The following NCOR2 variants were observed in gnomAD, a reference collection of about 807,000 sequenced individuals.
The protein encoded by NCOR2 is CTG repeat protein 26.
Under a neutral mutation model 262.9 loss-of-function variants are expected in NCOR2, and 81 were observed. That is an observed-to-expected ratio of 0.31 (90% CI 0.26 to 0.37). The LOEUF (loss-of-function observed/expected upper bound fraction) is 0.37. Ranked by LOEUF, NCOR2 falls within the 10% of genes least tolerant of loss-of-function variation. The pLI, the probability that NCOR2 is intolerant of heterozygous loss-of-function variation, is 1.00. For missense variants in NCOR2, 3,385 were observed against 3,621.4 expected (o/e 0.93, Z 1.68); for synonymous variants, 1,659 against 1,559.3 (o/e 1.06, Z -1.51).
chr12:124,497,807 A>T (rs1206152319), upstream of NCOR2, among the ~76,000 whole-genome samples: 1 of 152,228 alleles, frequency 6.6e-6, no homozygotes, highest in East Asian at 1.9e-4. The surrounding 1 kb of genome is among the most constrained non-coding windows in gnomAD (Gnocchi z 4.2). Context: ...ATGCAGCTGC[A>T]GCCCAGTCAC....
intron 11 of NCOR2, among the ~76,000 whole-genome samples, chr12:124,424,016 G>GC (rs1217175654): frequency 5.3e-5 from 8 of 152,172 alleles, no homozygotes; most frequent in Non-Finnish European, 1.2e-4. Context: ...CTTGAGGCAT[G>GC]CAAGTGGCCA....
chr12:124,512,872 T>C (rs938549179), intron 1 of NCOR2, among the ~76,000 whole-genome samples: 1 of 151,930 alleles, frequency 6.6e-6, no homozygotes, highest in Non-Finnish European at 1.5e-5. Context: ...AGGGCCAAAC[T>C]GACAGTGAGT....
chr12:124,351,721 G>A (rs1315045538), intron 27 of NCOR2, among the ~76,000 whole-genome samples: 4 of 145,614 alleles, frequency 2.7e-5, no homozygotes, highest in African/African-American at 1.0e-4. Flanking sequence ...AGCTGCCGTG[G>A]GACCTCCTTT....
chr12:124,492,855 A>G (rs1565994071), intron 1 of NCOR2, among the ~76,000 whole-genome samples: 1 of 152,084 alleles, frequency 6.6e-6, no homozygotes, highest in Non-Finnish European at 1.5e-5. Flanking sequence ...CAGAGTGCCC[A>G]GAACTCTTCC....
chr12:124,373,665 ATGAGGCCAGTGCGTGCGCAGGGGCCC>A (rs1176465221), intron 19 of NCOR2, among the ~76,000 whole-genome samples: 10 of 123,378 alleles, frequency 8.1e-5, no homozygotes, highest in Admixed American at 4.8e-4. Flanking sequence ...GTGGACAATC[ATGAGGCCAGTGCGTGCGCAGGGGCCC>A]CGGGCACAGT....
chr12:124,520,686 G>A (rs2050135073), intron 1 of NCOR2, among the ~76,000 whole-genome samples: 1 of 152,196 alleles, frequency 6.6e-6, no homozygotes, highest in Non-Finnish European at 1.5e-5. Context: ...CCCCCAGACA[G>A]AGCCTGTGGC....
At chr12:124,437,488 T>C (rs1449463035) in intron 8 of NCOR2, among the ~76,000 whole-genome samples, 2 of 152,166 alleles carry the variant, frequency 1.3e-5, no homozygotes, top group African/African-American at 2.4e-5. Flanking sequence ...ACTGTCTCAG[T>C]TTCCCTGAGC....
At chr12:124,450,617 G>A (rs1436351179) in intron 6 of NCOR2, among the ~76,000 whole-genome samples, 1 of 152,196 alleles carries the variant, frequency 6.6e-6, no homozygotes, top group Admixed American at 6.5e-5. Flanking sequence ...ACACAGCAGT[G>A]AGAAAGGGAG....
chr12:124,346,970 C>T, intron 30 of NCOR2, 120 bp from the exon 33 acceptor site: 2 of 1,253,172 alleles, frequency 1.6e-6, no homozygotes, highest in African/African-American at 1.6e-5. Flanking sequence ...GCTGTGTGAC[C>T]TTGACCAGGA....
chr12:124,460,515 G>A (rs962746709), intron 5 of NCOR2, among the ~76,000 whole-genome samples: 6 of 152,356 alleles, frequency 3.9e-5, no homozygotes, highest in Admixed American at 6.5e-5. Context: ...CAGGGCCATG[G>A]GGGAAGCAGT....
chr12:124,429,415 C>T, intron 10 of NCOR2, 198 bp downstream of exon 12: 2 of 615,862 alleles, frequency 3.2e-6, no homozygotes, highest in Non-Finnish European at 5.8e-6. Context: ...CTCTCAGACA[C>T]ATTAACACCC....
intron 25 of NCOR2, 99 bp downstream of exon 27, chr12:124,354,738 G>A: frequency 1.5e-6 from 2 of 1,333,748 alleles, no homozygotes; most frequent in Non-Finnish European, 2.1e-6. Context: ...CTGCTACCTG[G>A]AGTACCGTGG....
chr12:124,414,066 GCCCT>G (rs1031949568), intron 13 of NCOR2, among the ~76,000 whole-genome samples: 8 of 152,328 alleles, frequency 5.3e-5, no homozygotes, highest in African/African-American at 1.7e-4. Context: ...TCTGCCGCCT[GCCCT>G]CGCAGGGCTC....
intron 2 of NCOR2, among the ~76,000 whole-genome samples, chr12:124,485,503 C>T (rs940313341): frequency 5.9e-5 from 9 of 152,250 alleles, no homozygotes; most frequent in Non-Finnish European, 1.2e-4. Context: ...CCTGCGGACG[C>T]CCTGACTTCA....
rs571844630 is a variant in NCOR2 at position 124,392,445 on chromosome 12, G to C, written c.1876+5674C>G. 7.9e-5 allele frequency among the ~76,000 whole-genome samples: 12 copies of C among 152,234 alleles called. No individual in the cohort carries two copies. The South Asian group carries it at 2.5e-3, about 32-fold the overall frequency. On this transcript the variant is annotated intron_variant, in intron 16 of 46. Coordinates refer to ENST00000405201, the Ensembl canonical transcript of NCOR2. The stretch of plus-strand genomic sequence containing the variant: ...ACACGTGGTGACAGTCTCCTTGGAC[G>C]CGAGCCCCGAGGCACCGCACCGTCC...
rs543245239 is a variant in NCOR2 at position 124,422,514 on chromosome 12, A to T, written c.1370T>A (p.Phe457Tyr). ...GCAGCGACTCACCTTCCTCTCCAGG[A>T]ATGATGCGATCAGGCCAAAGTTCTT... Residue 457 changes from phenylalanine to tyrosine, a missense_variant, in exon 12 of 47, where the codon TTC becomes TAC. This residue lies in a region of NCOR2 where 515 missense variants were observed against 781.2 expected (regional missense o/e 0.66). Transcript: ENST00000405201. 4 of 1,614,084 alleles carry T rather than the reference A, an allele frequency of 2.5e-6. No homozygotes were observed. The African/African-American group carries it at 4.0e-5, about 16-fold the overall frequency.
chr12:124,435,777 C>T (rs943739747), intron 8 of NCOR2, among the ~76,000 whole-genome samples: 3 of 152,196 alleles, frequency 2.0e-5, no homozygotes, highest in East Asian at 3.9e-4. Context: ...TGGACTCTCT[C>T]GGAACTGCCC....
Position 124,566,137 on chromosome 12 carries a change from C to T in NCOR2, c.-165+1171G>A, listed in dbSNP as rs2052229650. The stretch of plus-strand genomic sequence containing the variant: ...TTATCCCCTCCTCCCCTCTTCCCTC[C>T]CTCACACATCCTTCCTCCAAATCTG... On this transcript the variant is annotated intron_variant, in intron 1 of 32. Transcript: ENST00000458234. This position sits in a 1 kb window ranked among gnomAD's most constrained non-coding sequence, Gnocchi z 4.3. Among the ~76,000 whole-genome samples, 1 of 152,160 alleles carries T rather than the reference C, an allele frequency of 6.6e-6. No individual in the cohort carries two copies. The highest frequency in any genetic ancestry group is 2.1e-4 in the South Asian group (1 of 4,822).
chr12:124,502,278 G>A (rs769134032), intron 1 of NCOR2, among the ~76,000 whole-genome samples: 18 of 152,190 alleles, frequency 1.2e-4, no homozygotes, highest in Non-Finnish European at 2.1e-4. Flanking sequence ...ACCACGATTT[G>A]TTAAGCACCT....
Sources: allele counts gnomAD v4.1 joint callset (sites outside exome capture counted in the v4.1 genomes callset), GRCh38; gene constraint gnomAD v4.1.1; regional missense constraint gnomAD v4.1.1; non-coding constraint Gnocchi (gnomAD v3.1); transcripts MANE v1.5; gene names NCBI Gene and HGNC (gene_info 2026-07-23, HGNC 2026-07-21).